PCDHGB7: variants seen among roughly 807,000 people sequenced by gnomAD.
The protein encoded by PCDHGB7 is protocadherin gamma subfamily B, 7, also known as protocadherin gamma-B7.
A neutral mutation model predicts 61.4 loss-of-function variants in PCDHGB7; 37 were observed. The ratio of observed to expected loss-of-function variants is 0.60; its 90% CI spans 0.46 to 0.79. The LOEUF is 0.79. Among genes scored for constraint, PCDHGB7 ranks in the 30% least tolerant of loss-of-function variants. PCDHGB7 has a pLI of 0.00. For missense variants in PCDHGB7, 1,166 were observed against 1,202.5 expected (o/e 0.97, Z 0.45); for synonymous variants, 464 against 503.5 (o/e 0.92, Z 1.05).
At chr5:141,501,540 A>G (rs151047391) in intron 2 of PCDHGB7, among the ~76,000 whole-genome samples, 2 of 152,138 alleles carry the variant, frequency 1.3e-5, no homozygotes, top group East Asian at 3.9e-4. Flanking sequence ...GTTGTTGTGC[A>G]TAAGATCATA....
rs1244735686 is a variant in PCDHGB7 at position 141,432,142 on chromosome 5, C to A, written c.2415+11868C>A. 1 of 1,614,098 alleles carries A rather than the reference C, an allele frequency of 6.2e-7. No homozygotes were observed. The highest frequency in any genetic ancestry group is 1.1e-5 in the South Asian group (1 of 91,066). On this transcript the variant is annotated intron_variant, in intron 1 of 3. Transcript: ENST00000398594. This position sits in a 1 kb window ranked among gnomAD's most constrained non-coding sequence, Gnocchi z 6.0. ...CTCAGGCCTCCTATTCCGCTTATAT[C>A]CCAGAGAACAATCCCAGAGGAGTTT...
At position 141,465,659 on chromosome 5, in the gene PCDHGB7, T is replaced by C. The variant is rs184749770; in HGVS notation, c.2416-29148T>C. Among the ~76,000 whole-genome samples the C allele has an allele frequency of 3.5e-4, 53 of 152,318 alleles. 1 individual carries two copies. Among genetic ancestry groups the C allele is most frequent in the African/African-American group, 1.2e-3 (50 of 41,576 alleles). ...TGCTTTGAACATCCCAAAAAAGCGC[T>C]TGCCATGACATTTGCTCTTGACCAG... On this transcript the variant is annotated intron_variant, in intron 1 of 3. Transcript: ENST00000398594.
Position 141,432,465 on chromosome 5 carries a change from C to T in PCDHGB7, c.2415+12191C>T. 3 of 1,614,222 alleles carry T rather than the reference C, an allele frequency of 1.9e-6. No individual in the cohort carries two copies. The highest frequency in any genetic ancestry group is 2.5e-6 in the Non-Finnish European group (3 of 1,180,050). On this transcript the variant is annotated intron_variant, in intron 1 of 3. Transcript: ENST00000398594. This position sits in a 1 kb window ranked among gnomAD's most constrained non-coding sequence, Gnocchi z 6.0. The stretch of plus-strand genomic sequence containing the variant: ...GAGATCCTGTACCCCGCCCTCCCCA[C>T]GGACGGTTCCACTGGCGTGGAGCTG...
rs767397479 is a variant in PCDHGB7 at position 141,430,717 on chromosome 5, T to C, written c.2415+10443T>C. On this transcript the variant is annotated intron_variant, in intron 1 of 3. Transcript: ENST00000398594. ...GCGAAGGAACTGCTCCTGACTTCAG[T>C]GGTTAAGGGCAGAATTGAAAATAAT... is the stretch of plus-strand genomic sequence containing the variant. The C allele has an allele frequency of 8.1e-6, 12 of 1,475,446 alleles. No individual in the cohort carries two copies. The East Asian group carries it at 2.4e-4, about 29-fold the overall frequency. 91.4% of individuals were successfully genotyped at this position (1,475,446 alleles called of 1,614,324 possible). A position where few individuals can be genotyped will look rare whatever the true frequency, so the allele number is the denominator to read the frequency against.
In PCDHGB7 at chr5:141,491,144, TGGA is replaced by T. The variant is rs757881044; in HGVS notation, c.2416-3659_2416-3657del. ...GAGGTGCGCACAGCCCGGGCCTTAC[TGGA>T]GGATGACTCTGACACCCAGCAGGTG... On this transcript the variant is annotated intron_variant, in intron 1 of 3. Coordinates refer to ENST00000398594, the MANE Select transcript of PCDHGB7 (RefSeq NM_018927.4). This position sits in a 1 kb window ranked among gnomAD's most constrained non-coding sequence, Gnocchi z 6.9. The T allele has an allele frequency of 1.2e-6, 2 of 1,614,158 alleles. No individual in the cohort carries two copies. The highest frequency in any genetic ancestry group is 2.2e-5 in the South Asian group (2 of 91,086).
At chr5:141,453,700 G>A (rs953445370) in intron 1 of PCDHGB7, among the ~76,000 whole-genome samples, 1 of 152,166 alleles carries the variant, frequency 6.6e-6, no homozygotes, top group Non-Finnish European at 1.5e-5. Flanking sequence ...TCCTGGCTTT[G>A]AACAGTTTCA....
chr5:141,474,955 T>C (rs2099356879), intron 1 of PCDHGB7, among the ~76,000 whole-genome samples: 1 of 152,254 alleles, frequency 6.6e-6, no homozygotes, highest in African/African-American at 2.4e-5. Context: ...TTTTATTCAC[T>C]ATCCTAATCA....
intron 1 of PCDHGB7, chr5:141,426,867 G>C (rs1436078091): frequency 2.2e-6 from 1 of 456,590 alleles, no homozygotes; most frequent in African/African-American, 2.0e-5. Flanking sequence ...ATTAGTGCTG[G>C]AGAAGCCCCT....
chr5:141,497,832 G>C (rs1326640712), intron 2 of PCDHGB7, among the ~76,000 whole-genome samples: 1 of 151,992 alleles, frequency 6.6e-6, no homozygotes, highest in East Asian at 1.9e-4. Context: ...GATCGCCCCC[G>C]GCCACAACAA....
In PCDHGB7 at chr5:141,485,792, G is replaced by A. The variant is rs114766079; in HGVS notation, c.2416-9015G>A. The A allele has an allele frequency of 6.2e-7, 1 of 1,614,236 alleles. No homozygotes were observed. Among genetic ancestry groups the A allele is most frequent in the East Asian group, 2.2e-5 (1 of 44,880 alleles). ...GCCTTTGGATCGAGAGAAGCAATCG[G>A]ACTACCGCCTGGTGCTGACTGCTGT... On this transcript the variant is annotated intron_variant, in intron 1 of 3. Coordinates refer to ENST00000398594, the MANE Select transcript of PCDHGB7 (RefSeq NM_018927.4). This position sits in a 1 kb window ranked among gnomAD's most constrained non-coding sequence, Gnocchi z 5.7.
intron 1 of PCDHGB7, among the ~76,000 whole-genome samples, chr5:141,449,840 T>C (rs1367482819): frequency 6.6e-6 from 1 of 151,692 alleles, no homozygotes; most frequent in Non-Finnish European, 1.5e-5. Context: ...TTTTATATAA[T>C]TAAATTTTAA....
At chr5:141,422,865 C>A in intron 1 of PCDHGB7, 6 of 1,614,244 alleles carry the variant, frequency 3.7e-6, no homozygotes, top group Non-Finnish European at 5.1e-6. Flanking sequence ...TCAGCAGCAA[C>A]GTGTCGCTGA....
At position 141,476,326 on chromosome 5, in the gene PCDHGB7, T is replaced by A. The variant is rs752845438; in HGVS notation, c.2416-18481T>A. Reference sequence around the variant, plus strand: ...CAGCCCGCAGGTTCCGGGTGGTGTCTGGAGCTAGCCGAAGATTCTTTGAGG... The same window carrying A: ...CAGCCCGCAGGTTCCGGGTGGTGTCAGGAGCTAGCCGAAGATTCTTTGAGG... On this transcript the variant is annotated intron_variant, in intron 1 of 3. Coordinates refer to ENST00000398594, the MANE Select transcript of PCDHGB7 (RefSeq NM_018927.4). This position sits in a 1 kb window ranked among gnomAD's most constrained non-coding sequence, Gnocchi z 7.6. The A allele has an allele frequency of 6.2e-7, 1 of 1,614,120 alleles. No individual in the cohort carries two copies. Among genetic ancestry groups the A allele is most frequent in the Non-Finnish European group, 8.5e-7 (1 of 1,180,034 alleles).
At chr5:141,433,347 C>T (rs1207853986) in intron 1 of PCDHGB7, 3 of 626,596 alleles carry the variant, frequency 4.8e-6, no homozygotes, top group Non-Finnish European at 8.3e-6. Context: ...GTGCAAGCCA[C>T]CTACTGTCTG....
rs1340590903 is a variant in PCDHGB7, at chr5:141,432,842, G to A, written c.2415+12568G>A. On this transcript the variant is annotated intron_variant, in intron 1 of 3. Coordinates refer to ENST00000398594, the MANE Select transcript of PCDHGB7 (RefSeq NM_018927.4). This position sits in a 1 kb window ranked among gnomAD's most constrained non-coding sequence, Gnocchi z 6.0. ...CTCAGACCTCACTCTGTACCTGGTG[G>A]TAGCGGTGGCCGCGGTCTCCTGCGT... 5 of 1,614,192 alleles carry A rather than the reference G, an allele frequency of 3.1e-6. No individual in the cohort carries two copies. The South Asian group carries it at 4.4e-5, about 14-fold the overall frequency.
Position 141,491,947 on chromosome 5 carries a change from C to T in PCDHGB7, c.2416-2860C>T. ...GGGGAGGTGGGACCGACCCCCACCCCTACACTCAAAAAAGGCCGGGGCCTC... is the reference window on the plus strand; with the variant it reads ...GGGGAGGTGGGACCGACCCCCACCCTTACACTCAAAAAAGGCCGGGGCCTC... On this transcript the variant is annotated intron_variant, in intron 1 of 3. Coordinates refer to ENST00000398594, the MANE Select transcript of PCDHGB7 (RefSeq NM_018927.4). The surrounding 1 kb of genome is among the most constrained non-coding windows in gnomAD (Gnocchi z 6.9). 1 of 1,114,210 alleles carries T rather than the reference C, an allele frequency of 9.0e-7. No individual in the cohort carries two copies. The highest frequency in any genetic ancestry group is 1.2e-6 in the Non-Finnish European group (1 of 815,758). 69.0% of individuals were successfully genotyped at this position (1,114,210 alleles called of 1,614,324 possible). A position where few individuals can be genotyped will look rare whatever the true frequency, so the allele number is the denominator to read the frequency against.
At chr5:141,478,598 A>C in intron 1 of PCDHGB7, 1 of 1,566,350 alleles carries the variant, frequency 6.4e-7, no homozygotes, top group South Asian at 1.2e-5. Flanking sequence ...TTATTCCTAC[A>C]TCATATTGAG....
At chr5:141,505,282 G>C (rs73280377) in intron 2 of PCDHGB7, 111 bp from the exon 3 acceptor site, 37,017 of 1,544,812 alleles carry the variant, frequency 0.024, 1,115 homozygotes, top group African/African-American at 0.15. Context: ...AACAGGTCTT[G>C]GGCATGGGGT....
rs1301352900 is a variant in PCDHGB7, at chr5:141,491,765, A to T, written c.2416-3042A>T. ...GGCACTGGAGAAGCCGCCCGTCCTC[A>T]TAAGGGATTGAACTTGCATCCACTC... On this transcript the variant is annotated intron_variant, in intron 1 of 3. Transcript: ENST00000398594. The surrounding 1 kb of genome is among the most constrained non-coding windows in gnomAD (Gnocchi z 6.9). 1.3e-6 allele frequency: 2 copies of T among 1,569,228 alleles called. No individual in the cohort carries two copies. Among genetic ancestry groups the T allele is most frequent in the Non-Finnish European group, 1.7e-6 (2 of 1,158,736 alleles).
Sources: allele counts gnomAD v4.1 joint callset (sites outside exome capture counted in the v4.1 genomes callset), GRCh38; gene constraint gnomAD v4.1.1; non-coding constraint Gnocchi (gnomAD v3.1); transcripts MANE v1.5; gene names NCBI Gene and HGNC (gene_info 2026-07-23, HGNC 2026-07-21).